Variants in KCNH7 observed in about 807,000 individuals in gnomAD.
KCNH7 encodes the protein voltage-gated inwardly rectifying potassium channel KCNH7.
Under a neutral mutation model 120.8 loss-of-function variants are expected in KCNH7, and 49 were observed. The observed-to-expected ratio is 0.41, with a 90% confidence interval of 0.32 to 0.51. The LOEUF is 0.51. Ranked by LOEUF, KCNH7 falls within the 20% of genes least tolerant of loss-of-function variation. KCNH7 has a pLI of 0.38. For missense variants in KCNH7, 1,097 were observed against 1,446.6 expected (o/e 0.76, Z 3.92); for synonymous variants, 547 against 516.1 (o/e 1.06, Z -0.81).
chr2:162,656,841 C>T (rs1322123501), intron 2 of KCNH7, among the ~76,000 whole-genome samples: 1 of 152,090 alleles, frequency 6.6e-6, no homozygotes, highest in East Asian at 1.9e-4. Flanking sequence ...AAAAGAAATA[C>T]TGATTATTGC....
chr2:162,395,068 A>G (rs140595660), intron 11 of KCNH7, among the ~76,000 whole-genome samples: 1 of 151,798 alleles, frequency 6.6e-6, no homozygotes, highest in Non-Finnish European at 1.5e-5. Flanking sequence ...TCTATAGCTT[A>G]CTTTATTGTA....
At chr2:162,376,422 G>A (rs1686186138) in intron 14 of KCNH7, among the ~76,000 whole-genome samples, 1 of 150,476 alleles carries the variant, frequency 6.6e-6, no homozygotes, top group Admixed American at 6.7e-5. Context: ...CTGGAGTGCA[G>A]TAGCATGATC....
At chr2:162,838,401 A>C in intron 1 of KCNH7, 42 bp downstream of exon 1, 1 of 1,532,954 alleles carries the variant, frequency 6.5e-7, no homozygotes, top group African/African-American at 1.4e-5. Context: ...TGCACTAACA[A>C]GGCAGAAAGC....
chr2:162,642,700 C>T (rs1475458553), intron 2 of KCNH7, among the ~76,000 whole-genome samples: 1 of 152,208 alleles, frequency 6.6e-6, no homozygotes, highest in Non-Finnish European at 1.5e-5. Flanking sequence ...AACACCTGTA[C>T]ATATCTGTTG....
chr2:162,554,413 T>TTTATTA (rs558824035), intron 2 of KCNH7, among the ~76,000 whole-genome samples: 1 of 151,818 alleles, frequency 6.6e-6, no homozygotes, highest in Non-Finnish European at 1.5e-5. Context: ...ATGTTGTCCT[T>TTTATTA]TTATTATTAT....
At chr2:162,484,805 C>G (rs1318791380) in intron 6 of KCNH7, among the ~76,000 whole-genome samples, 3 of 152,050 alleles carry the variant, frequency 2.0e-5, no homozygotes, top group African/African-American at 7.3e-5. Context: ...CTGGCACCTC[C>G]CTTTGTCTCT....
At chr2:162,515,097 G>A (rs894479615) in intron 4 of KCNH7, among the ~76,000 whole-genome samples, 20 of 151,666 alleles carry the variant, frequency 1.3e-4, no homozygotes, top group Admixed American at 3.9e-4. Flanking sequence ...TTGCTAATCA[G>A]TGATTTTGTA....
chr2:162,772,050 G>A (rs1683075597), intron 2 of KCNH7: 1 of 152,146 alleles, frequency 6.6e-6, no homozygotes, highest in Non-Finnish European at 1.5e-5. Context: ...GATCCATCAT[G>A]CCATAGTTGA....
chr2:162,451,786 C>T (rs987301580), intron 6 of KCNH7, among the ~76,000 whole-genome samples: 1 of 152,054 alleles, frequency 6.6e-6, no homozygotes, highest in African/African-American at 2.4e-5. Context: ...GGTGGCTCAG[C>T]ACTCCCAAAA....
intron 3 of KCNH7, among the ~76,000 whole-genome samples, chr2:162,530,462 G>A (rs750877066): frequency 6.7e-6 from 1 of 149,852 alleles, no homozygotes; most frequent in Non-Finnish European, 1.5e-5. Flanking sequence ...TAGTGTGCGC[G>A]AGCGTGCGCG....
At chr2:162,556,500 T>A (rs1692861471) in intron 2 of KCNH7, among the ~76,000 whole-genome samples, 1 of 152,288 alleles carries the variant, frequency 6.6e-6, no homozygotes, top group Admixed American at 6.5e-5. Flanking sequence ...CTTTTATAAT[T>A]ATGAAAAAGA....
At position 162,783,223 on chromosome 2, in the gene KCNH7, T is replaced by C. The variant is rs141176465; in HGVS notation, c.307+53314A>G. Among the ~76,000 whole-genome samples, 780 of 152,218 alleles carry C rather than the reference T, an allele frequency of 5.1e-3. 5 individuals carry two copies. Among genetic ancestry groups the C allele is most frequent in the South Asian group, 0.012 (58 of 4,816 alleles). ...GTTTCTTAGACTGCTTTTCTGACAA[T>C]CCAACTATGATAATAGTTGGGCTTC... is the stretch of plus-strand genomic sequence containing the variant. On this transcript the variant is annotated intron_variant, in intron 2 of 15. Transcript: ENST00000332142.
chr2:162,476,075 G>T (rs1267016793), intron 6 of KCNH7, among the ~76,000 whole-genome samples: 5 of 152,188 alleles, frequency 3.3e-5, no homozygotes, highest in Non-Finnish European at 7.3e-5. Flanking sequence ...AAAGCAAATT[G>T]CAAGCCTTGT....
chr2:162,816,481 G>T (rs978571863), intron 2 of KCNH7, among the ~76,000 whole-genome samples: 2 of 151,958 alleles, frequency 1.3e-5, no homozygotes, highest in Non-Finnish European at 2.9e-5. Flanking sequence ...TACCCTGAAG[G>T]GCTCAGAGAC....
intron 6 of KCNH7, among the ~76,000 whole-genome samples, chr2:162,447,245 C>T (rs1444441887): frequency 6.6e-6 from 1 of 152,010 alleles, no homozygotes; most frequent in Non-Finnish European, 1.5e-5. Context: ...TAAAACAGTT[C>T]ACCTTTTAGA....
chr2:162,720,816 C>T (rs1264894152), intron 2 of KCNH7, among the ~76,000 whole-genome samples: 1 of 152,106 alleles, frequency 6.6e-6, no homozygotes, highest in African/African-American at 2.4e-5. Flanking sequence ...ACATGAGTGA[C>T]TCCTTTGTTG....
intron 7 of KCNH7, among the ~76,000 whole-genome samples, chr2:162,442,388 C>T (rs1688452171): frequency 6.6e-6 from 1 of 151,898 alleles, no homozygotes; most frequent in Admixed American, 6.6e-5. Flanking sequence ...TTATTAACAC[C>T]TGTTACATAG....
chr2:162,725,457 C>T (rs1381253776), intron 2 of KCNH7, among the ~76,000 whole-genome samples: 1 of 152,084 alleles, frequency 6.6e-6, no homozygotes, highest in Non-Finnish European at 1.5e-5. Flanking sequence ...TGCAAGCATT[C>T]TGGAAGATAC....
intron 2 of KCNH7, among the ~76,000 whole-genome samples, chr2:162,557,227 C>T (rs1692886440): frequency 6.6e-6 from 1 of 152,180 alleles, no homozygotes; most frequent in Admixed American, 6.5e-5. Context: ...GGGGTATCAG[C>T]CAGCAATATG....
Sources: gnomAD v4.1 joint callset for allele counts (sites outside exome capture counted in the v4.1 genomes callset) on GRCh38, gnomAD v4.1.1 for gene constraint, MANE v1.5 for transcripts, NCBI Gene and HGNC (gene_info 2026-07-23, HGNC 2026-07-21) for gene names.